PDLIM2: variants seen among roughly 807,000 people sequenced by gnomAD.
The protein encoded by PDLIM2 is PDZ and LIM domain protein 2.
A neutral mutation model predicts 54.1 loss-of-function variants in PDLIM2; 51 were observed. The observed-to-expected ratio is 0.94, with a 90% CI of 0.75 to 1.19. The LOEUF is 1.19. PDLIM2 is among the 50% of genes most tolerant of loss of function. The probability of loss-of-function intolerance (pLI) is 0.00; values close to 1 mark genes in which losing one functional copy is unlikely to be tolerated. For synonymous variants in PDLIM2, 398 were observed against 385.6 expected, an observed-to-expected ratio of 1.03 and a Z score of -0.38; for missense variants, 912 against 874.0, an observed-to-expected ratio of 1.04 and a Z score of -0.55.
chr8:22,594,249 A>C, exon 10 of PDLIM2: 1 of 1,391,568 alleles, frequency 7.2e-7, no homozygotes, highest in South Asian at 1.6e-5. Flanking sequence ...TCACTGTGTA[A>C]AGTTTTTGAC....
At chr8:22,584,918 T>C in intron 4 of PDLIM2, 28 bp downstream of exon 3, 1 of 1,613,962 alleles carries the variant, frequency 6.2e-7, no homozygotes, top group East Asian at 2.2e-5. Context: ...CCTGACAGCC[T>C]CAGCACCCTG....
rs193116799 is a variant in PDLIM2 at position 22,581,665 on chromosome 8, G to A, written c.995+135G>A. On this transcript the variant is annotated intron_variant, in intron 3 of 9. Coordinates refer to ENST00000308354, the Ensembl canonical transcript of PDLIM2. ...CTTCTTGGGCCCTCTCCACACCTTG[G>A]TGAGAAGGTCCTGGGCTCTGCTTCC... 128 of 1,217,888 alleles carry A rather than the reference G, an allele frequency of 1.1e-4. No individual in the cohort carries two copies. In the African/African-American group the frequency reaches 1.6e-3, roughly 15 times the overall value. 75.4% of individuals were successfully genotyped at this position (1,217,888 alleles called of 1,614,324 possible). A position where few individuals can be genotyped will look rare whatever the true frequency, so the allele number is the denominator to read the frequency against.
exon 10 of PDLIM2, chr8:22,593,975 C>T: frequency 6.6e-7 from 1 of 1,508,146 alleles, no homozygotes; most frequent in Non-Finnish European, 8.9e-7. Flanking sequence ...GTTGGCATGG[C>T]AGGGACAATG....
chr8:22,589,496 A>T (rs1417491130), intron 7 of PDLIM2, 100 bp from the exon 7 acceptor site: 24 of 1,520,838 alleles, frequency 1.6e-5, no homozygotes, highest in Non-Finnish European at 2.1e-5. Flanking sequence ...CACCTCCCAG[A>T]TTCCTCCCCC....
downstream of PDLIM2, chr8:22,595,795 G>A (rs1800672466): frequency 6.6e-6 from 1 of 152,216 alleles, no homozygotes; most frequent in African/African-American, 2.4e-5. Flanking sequence ...AGGCTCTAGG[G>A]ACATTTTGTT....
rs183015851 is a variant in PDLIM2 at position 22,589,892 on chromosome 8, C to A, written c.1513+151C>A. ...AGCCGAGCAGAGCGCGAAGCCCCAG[C>A]CCCTGCCCATAAGGAGCTGACGGTC... On this transcript the variant is annotated intron_variant, in intron 8 of 9. Transcript: ENST00000308354. 3.7e-4 allele frequency: 424 copies of A among 1,134,056 alleles called. 3 individuals are homozygous for A. The highest frequency in any genetic ancestry group is 1.7e-3 in the Middle Eastern group (8 of 4,618). 70.2% of individuals were successfully genotyped at this position (1,134,056 alleles called of 1,614,324 possible). A position where few individuals can be genotyped will look rare whatever the true frequency, so the allele number is the denominator to read the frequency against.
intron 2 of PDLIM2, chr8:22,581,061 C>T: frequency 1.5e-6 from 1 of 665,656 alleles, no homozygotes. Context: ...GAGGGCTGTG[C>T]AGGCAGCCAC....
chr8:22,580,650 C>G, exon 2 of PDLIM2: 2 of 1,614,082 alleles, frequency 1.2e-6, no homozygotes, highest in Non-Finnish European at 1.7e-6. Context: ...CTGGGGCTTC[C>G]GTATCACAGG....
rs760435997 is a variant in PDLIM2 at position 22,581,530 on chromosome 8, G to A, written c.995G>A (p.Arg332Gln). The change falls in exon 3 of 10, where the codon CGG becomes CAG. Residue 332 changes from arginine (R) to glutamine (Q), a missense_variant and splice_region_variant. Coordinates refer to ENST00000308354, the Ensembl canonical transcript of PDLIM2. ...TCGCCCCTGCGGCTGCAGCTGGACC[G>A]GTAGGGCCTCCCGCTCTGCAGAGCC... 43 of 1,574,100 alleles carry A rather than the reference G, an allele frequency of 2.7e-5. No individual in the cohort carries two copies. The highest frequency in any genetic ancestry group is 3.3e-5 in the Non-Finnish European group (39 of 1,165,896).
At chr8:22,594,551 G>A (rs373037513), downstream of PDLIM2, 4 of 1,613,986 alleles carry the variant, frequency 2.5e-6, no homozygotes, top group Non-Finnish European at 3.4e-6. Context: ...TGCTATGGAG[G>A]GAATGAGATT....
At chr8:22,579,216 G>C in exon 1 of PDLIM2, 1 of 1,385,482 alleles carries the variant, frequency 7.2e-7, no homozygotes, top group Non-Finnish European at 9.3e-7. Flanking sequence ...ACAGGTGAGC[G>C]GCAGCCAGGT....
chr8:22,583,487 C>T (rs752072087), intron 3 of PDLIM2, among the ~76,000 whole-genome samples: 19 of 152,098 alleles, frequency 1.2e-4, no homozygotes, highest in African/African-American at 2.7e-4. Context: ...GTAATCAGGC[C>T]GGGCGCAGTG....
At chr8:22,587,540 G>C (rs73672763) in intron 6 of PDLIM2, among the ~76,000 whole-genome samples, 1 of 151,992 alleles carries the variant, frequency 6.6e-6, no homozygotes, top group African/African-American at 2.4e-5. Context: ...ACATCCTTGC[G>C]TTCCCCAGCA....
intron 6 of PDLIM2, chr8:22,588,908 C>T: frequency 6.6e-6 from 2 of 301,406 alleles, no homozygotes; most frequent in Non-Finnish European, 1.2e-5. Context: ...TGCTTCCTCT[C>T]TGCTGGTTCC....
At position 22,591,682 on chromosome 8, in the gene PDLIM2, G is replaced by C. The variant is rs187662309; in HGVS notation, c.1631+14G>C. On this transcript the variant is annotated intron_variant, in intron 9 of 9. Coordinates refer to ENST00000308354, the Ensembl canonical transcript of PDLIM2. Reference sequence around the variant, plus strand: ...TACCAGCATCGCGTGAGTGTGGAGGGGGGTGGGGGACCTGAGCCTTCACAG... The same window carrying C: ...TACCAGCATCGCGTGAGTGTGGAGGCGGGTGGGGGACCTGAGCCTTCACAG... 3.7e-5 allele frequency: 59 copies of C among 1,599,160 alleles called. No homozygotes were observed. In the East Asian group the frequency reaches 1.2e-3, roughly 32 times the overall value.
At chr8:22,585,481 G>T (rs931823281) in intron 6 of PDLIM2, 82 bp downstream of exon 5, 1 of 1,380,962 alleles carries the variant, frequency 7.2e-7, no homozygotes. Context: ...CGGGACTGCA[G>T]GCGGCCAGGC....
At chr8:22,582,544 T>C (rs1009847590) in intron 3 of PDLIM2, among the ~76,000 whole-genome samples, 7 of 151,458 alleles carry the variant, frequency 4.6e-5, no homozygotes, top group African/African-American at 1.7e-4. Context: ...GGCCTCTGGT[T>C]CTGCACCAGG....
chr8:22,592,615 G>A (rs1000899514), intron 9 of PDLIM2: 5 of 152,248 alleles, frequency 3.3e-5, no homozygotes, highest in Admixed American at 2.0e-4. Context: ...GAAAAAGCAT[G>A]TTTTCCATCC....
At chr8:22,589,624 C>T (rs772959553) in exon 8 of PDLIM2, 6 of 1,600,372 alleles carry the variant, frequency 3.7e-6, no homozygotes, top group Non-Finnish European at 5.1e-6. Context: ...AAGCCTCCTC[C>T]TGGACGAGGA....
Sources: gnomAD v4.1 joint callset for allele counts (sites outside exome capture counted in the v4.1 genomes callset) on GRCh38, gnomAD v4.1.1 for gene constraint, MANE v1.5 for transcripts, NCBI Gene and HGNC (gene_info 2026-07-23, HGNC 2026-07-21) for gene names.